Variants in IL23R observed in about 807,000 individuals in gnomAD.
IL23R encodes the protein interleukin 23 receptor, also known as interleukin-23 receptor.
Under a neutral mutation model 56.9 loss-of-function variants are expected in IL23R, and 34 were observed. The ratio of observed to expected loss-of-function variants is 0.60; its 90% confidence interval spans 0.45 to 0.80. The LOEUF is 0.80. Ranked by LOEUF, IL23R falls within the 30% of genes least tolerant of loss-of-function variation. The probability of loss-of-function intolerance (pLI) is 0.00; values close to 1 mark genes in which losing one functional copy is unlikely to be tolerated. For synonymous variants in IL23R, 230 were observed against 249.2 expected (o/e 0.92, Z 0.73); for missense variants, 635 against 730.0 (o/e 0.87, Z 1.50).
chr1:67,219,737 G>A lies in IL23R; in HGVS notation c.955+7G>A. On this transcript the variant is annotated splice_region_variant and intron_variant, in intron 7 of 10. Coordinates refer to ENST00000347310, the MANE Select transcript of IL23R (RefSeq NM_144701.3). ...CATAAAACACCTGAAACAGGTGAGTGTACTTATATATTTTATTCTGTTGGG... is the reference window on the plus strand; with the variant it reads ...CATAAAACACCTGAAACAGGTGAGTATACTTATATATTTTATTCTGTTGGG... The A allele has an allele frequency of 6.2e-7, 1 of 1,611,740 alleles. No individual in the cohort carries two copies. The highest frequency in any genetic ancestry group is 1.1e-5 in the South Asian group (1 of 91,032).
intron 4 of IL23R, among the ~76,000 whole-genome samples, chr1:67,198,578 A>T (rs1002160855): frequency 6.6e-6 from 1 of 152,110 alleles, no homozygotes; most frequent in East Asian, 1.9e-4. Flanking sequence ...TATCTTTTCC[A>T]TCCTCTTCCA....
chr1:67,249,065 C>T (rs548797457), intron 9 of IL23R, among the ~76,000 whole-genome samples: 6 of 152,292 alleles, frequency 3.9e-5, no homozygotes, highest in East Asian at 1.9e-4. Context: ...CCGCCTTCTG[C>T]GTTGATCTCT....
At chr1:67,150,417 C>G (rs919394037) in intron 1 of IL23R, among the ~76,000 whole-genome samples, 1 of 151,846 alleles carries the variant, frequency 6.6e-6, no homozygotes, top group Non-Finnish European at 1.5e-5. Context: ...GCTCTCCCTC[C>G]CCTTGCTCCC....
At chr1:67,227,569 T>G (rs1468087263) in intron 7 of IL23R, among the ~76,000 whole-genome samples, 3 of 152,202 alleles carry the variant, frequency 2.0e-5, no homozygotes, top group Non-Finnish European at 4.4e-5. Context: ...ATTTTTCAGG[T>G]TTTTAAGTGG....
At position 67,258,609 on chromosome 1, in the gene IL23R, C is replaced by G. The variant is rs572762885; in HGVS notation, c.1371C>G (p.Pro457=). 3 of 1,613,730 alleles carry G rather than the reference C, an allele frequency of 1.9e-6. No individual in the cohort carries two copies. The highest frequency in any genetic ancestry group is 2.7e-5 in the African/African-American group (2 of 74,974). Residue 457 remains proline (P), a synonymous_variant, in exon 11 of 11, where the codon CCC becomes CCG. Transcript: ENST00000347310. ...PTDYKKENTG[P]LETRDYPQNS... ...ACTACAAGAAGGAGAATACAGGACC[C>G]CTGGAGACAAGAGACTACCCGCAAA...
chr1:67,143,664 A>G (rs963427), intron 1 of IL23R, among the ~76,000 whole-genome samples: 49,246 of 152,066 alleles, frequency 0.32, 8,379 homozygotes, highest in Admixed American at 0.46. Context: ...AGCCTTCCCT[A>G]CAAGTAGACT....
chr1:67,152,695 A>C (rs1011192106), intron 1 of IL23R, among the ~76,000 whole-genome samples: 1 of 152,072 alleles, frequency 6.6e-6, no homozygotes, highest in Admixed American at 6.6e-5. Context: ...TTCTGCGTCT[A>C]TTGAGATAAT....
rs184242629 is a variant in IL23R at position 67,206,539 on chromosome 1, G to A, written c.653-371G>A. Among the ~76,000 whole-genome samples the A allele has an allele frequency of 1.7e-3, 255 of 152,160 alleles. 1 individual carries two copies. The highest frequency in any genetic ancestry group is 0.01 in the Middle Eastern group (3 of 294). On this transcript the variant is annotated intron_variant, in intron 5 of 10. Coordinates refer to ENST00000347310, the MANE Select transcript of IL23R (RefSeq NM_144701.3). ...ATTTGGGTGCATATCATCTCTCCTC[G>A]AACAGATGGAGGGAAGAGGGGATAG...
intron 7 of IL23R, among the ~76,000 whole-genome samples, chr1:67,232,792 T>G (rs191912279): frequency 6.6e-6 from 1 of 152,284 alleles, no homozygotes; most frequent in African/African-American, 2.4e-5. Context: ...AAATCTCATC[T>G]TGAATTGTAG....
intron 3 of IL23R, 50 bp from the exon 4 acceptor site, chr1:67,182,786 A>G: frequency 6.2e-7 from 1 of 1,611,132 alleles, no homozygotes; most frequent in Non-Finnish European, 8.5e-7. Context: ...TTGGGACCAG[A>G]GAACTTCGTA....
At chr1:67,198,524 A>G (rs1648349295) in intron 4 of IL23R, among the ~76,000 whole-genome samples, 1 of 152,200 alleles carries the variant, frequency 6.6e-6, no homozygotes, top group South Asian at 2.1e-4. Flanking sequence ...ATGATACTTA[A>G]TAGCCCTCTC....
intron 5 of IL23R, among the ~76,000 whole-genome samples, chr1:67,201,420 A>G (rs1393910768): frequency 6.6e-6 from 1 of 151,940 alleles, no homozygotes. Context: ...AAAAAAAAAA[A>G]AAAATCCATA....
At chr1:67,251,601 G>A (rs1652628713) in intron 9 of IL23R, among the ~76,000 whole-genome samples, 2 of 152,034 alleles carry the variant, frequency 1.3e-5, no homozygotes. Context: ...ATGCCAAGTG[G>A]CCTGTATTTC....
rs1646895475 is a variant in IL23R, at chr1:67,168,104, T to A, written c.-17T>A. On this transcript the variant is annotated 5_prime_UTR_variant, in exon 2 of 11. Transcript: ENST00000347310. ...ATTTTTTTTCCAGAGGGAAACAGTCTTTTCCTGCTTCCAGACATGAATCAG... is the reference window on the plus strand; with the variant it reads ...ATTTTTTTTCCAGAGGGAAACAGTCATTTCCTGCTTCCAGACATGAATCAG... 1 of 1,580,304 alleles carries A rather than the reference T, an allele frequency of 6.3e-7. No individual in the cohort carries two copies.
Position 67,169,527 on chromosome 1 carries a change from C to A in IL23R, c.256C>A (p.Arg86=). ...CACAAGGATTAATAAAACAACAGCT[C>A]GGCTTTGGTATAAAAACTTTCTGGA... is the stretch of plus-strand genomic sequence containing the variant. The part of the protein sequence containing the change: ...QITRINKTTA[R]LWYKNFLEPH... Residue 86 remains arginine (R), a synonymous_variant, in exon 3 of 11, where the codon CGG becomes AGG. Transcript: ENST00000347310. The A allele has an allele frequency of 6.2e-7, 1 of 1,613,814 alleles. No individual in the cohort carries two copies. The highest frequency in any genetic ancestry group is 1.1e-5 in the South Asian group (1 of 91,072).
intron 1 of IL23R, among the ~76,000 whole-genome samples, chr1:67,139,451 T>C (rs10789224): frequency 0.31 from 47,825 of 152,052 alleles, 7,678 homozygotes; most frequent in Admixed American, 0.42. Flanking sequence ...GCTCAAAAAC[T>C]GCTACCTGAA....
At chr1:67,184,363 T>C (rs986384744) in intron 4 of IL23R, among the ~76,000 whole-genome samples, 1 of 151,948 alleles carries the variant, frequency 6.6e-6, no homozygotes, top group Non-Finnish European at 1.5e-5. Flanking sequence ...CTGGCCAACA[T>C]GGTGAAACCC....
intron 1 of IL23R, among the ~76,000 whole-genome samples, chr1:67,166,881 T>C (rs79235527): frequency 0.01 from 1,572 of 152,272 alleles, 32 homozygotes; most frequent in African/African-American, 0.036. Context: ...TTATGCGATA[T>C]GATGAGCCAT....
chr1:67,145,863 G>T (rs1319548824), intron 1 of IL23R, among the ~76,000 whole-genome samples: 1 of 152,088 alleles, frequency 6.6e-6, no homozygotes, highest in Admixed American at 6.5e-5. Flanking sequence ...GTAGCTCTGT[G>T]GTTGGTTTCA....
Sources: gnomAD v4.1 joint callset for allele counts (sites outside exome capture counted in the v4.1 genomes callset) on GRCh38, gnomAD v4.1.1 for gene constraint, MANE v1.5 for transcripts, NCBI Gene and HGNC (gene_info 2026-07-23, HGNC 2026-07-21) for gene names.